Variants in CLTCL1 observed in about 807,000 individuals in gnomAD.
CLTCL1 encodes clathrin heavy chain like 1, also known as clathrin heavy chain 2.
CLTCL1 carries 159 observed loss-of-function variants against 190.0 expected under a neutral mutation model. That is an observed-to-expected ratio of 0.84 (90% CI 0.74 to 0.95). The LOEUF (loss-of-function observed/expected upper bound fraction) is 0.95, where lower values mean the gene tolerates loss of function less well. Among genes scored for constraint, CLTCL1 ranks in the 40% least tolerant of loss-of-function variants. CLTCL1 has a pLI of 0.00. For synonymous variants in CLTCL1, 752 were observed against 769.6 expected (o/e 0.98, Z 0.38); for missense variants, 1,878 against 2,033.4 (o/e 0.92, Z 1.47).
intron 3 of CLTCL1, among the ~76,000 whole-genome samples, chr22:19,245,122 T>A (rs1555967350): frequency 6.6e-6 from 1 of 151,594 alleles, no homozygotes. Context: ...GAAACAGGCA[T>A]CTGTATTTGC....
intron 19 of CLTCL1, 75 bp downstream of exon 19, chr22:19,216,036 T>G (rs1423762068): frequency 6.9e-7 from 1 of 1,449,666 alleles, no homozygotes; most frequent in African/African-American, 1.4e-5. Context: ...CGGTACGAGA[T>G]TGTAACAGAA....
intron 29 of CLTCL1, among the ~76,000 whole-genome samples, chr22:19,186,617 C>T (rs561357367): frequency 1.3e-3 from 187 of 148,778 alleles, no homozygotes; most frequent in African/African-American, 4.1e-3. Flanking sequence ...TTTTTTTTTT[C>T]CGAGACAGAG....
chr22:19,232,498 T>G lies in CLTCL1; in HGVS notation c.1622A>C (p.Glu541Ala). The change falls in exon 10 of 33, where the codon GAG (glutamate) becomes GCG (alanine). Residue 541 changes from glutamate to alanine, a missense_variant. Glu to Ala is a moderately radical substitution (Grantham distance 107). Transcript: ENST00000427926. ...QFSRMLVQDE[E>A]PLANISQIVD... The stretch of plus-strand genomic sequence containing the variant: ...CACCTGGCTAATGTTGGCCAGCGGC[T>G]CCTCGTCCTGCACTAGCATTCGAGA... 1.2e-6 allele frequency: 2 copies of G among 1,614,002 alleles called. No homozygotes were observed.
chr22:19,270,436 A>C (rs1555980032), intron 2 of CLTCL1, among the ~76,000 whole-genome samples: 2 of 151,906 alleles, frequency 1.3e-5, no homozygotes, highest in African/African-American at 4.8e-5. Flanking sequence ...ACCGAGAAGG[A>C]GTGAATGTTG....
rs2085866781 is a variant in CLTCL1, at chr22:19,229,968, T to C, written c.1652A>G (p.Asp551Gly). The change falls in exon 11 of 33, where the codon GAC becomes GGC. Residue 551 changes from aspartate to glycine, a missense_variant. Transcript: ENST00000427926. ...AATTAAACTGTTTTCCATGAAAATG[T>C]CCACAATCTGAAACATATCCAAGCC... The part of the protein sequence containing the change: ...EPLANISQIV[D>G]IFMENSLIQQ... 6.2e-7 allele frequency: 1 copy of C among 1,607,166 alleles called. No individual in the cohort carries two copies. The highest frequency in any genetic ancestry group is 1.3e-5 in the African/African-American group (1 of 74,632).
At chr22:19,291,047 G>A (rs1214694931) in intron 1 of CLTCL1, among the ~76,000 whole-genome samples, 1 of 152,188 alleles carries the variant, frequency 6.6e-6, no homozygotes, top group Non-Finnish European at 1.5e-5. Flanking sequence ...CAAACAAATG[G>A]AGAACAAACT....
Position 19,183,389 on chromosome 22 carries a change from C to T in CLTCL1, c.4827+1G>A. ...GGAGCTGCAGCCGGCCCGGCACCTACCTTGCTCAGGTACTCCCTCATCACC... is the reference window on the plus strand; with the variant it reads ...GGAGCTGCAGCCGGCCCGGCACCTATCTTGCTCAGGTACTCCCTCATCACC... On this transcript the variant is annotated splice_donor_variant, in intron 30 of 32. Coordinates refer to ENST00000427926, the MANE Select transcript of CLTCL1 (RefSeq NM_007098.4). LOFTEE classifies it high-confidence loss of function. The T allele has an allele frequency of 6.2e-7, 1 of 1,612,790 alleles. No individual in the cohort carries two copies. The highest frequency in any genetic ancestry group is 8.5e-7 in the Non-Finnish European group (1 of 1,179,626).
chr22:19,221,755 C>T, intron 16 of CLTCL1, 144 bp from the exon 17 acceptor site: 1 of 983,986 alleles, frequency 1.0e-6, no homozygotes, highest in South Asian at 1.7e-5. Context: ...CAAGATGGAC[C>T]TGGTTTCCAA....
chr22:19,278,381 G>C (rs2087590562), intron 1 of CLTCL1, among the ~76,000 whole-genome samples: 1 of 152,140 alleles, frequency 6.6e-6, no homozygotes, highest in Non-Finnish European at 1.5e-5. Flanking sequence ...GAGAGACCGT[G>C]AAAAGTGAGA....
intron 11 of CLTCL1, 102 bp downstream of exon 11, chr22:19,229,736 G>T: frequency 8.5e-7 from 1 of 1,178,422 alleles, no homozygotes; most frequent in Non-Finnish European, 1.1e-6. Context: ...TAAACATCTG[G>T]CACAAGCCCA....
chr22:19,246,846 TGG>T (rs1555968204), intron 3 of CLTCL1, among the ~76,000 whole-genome samples: 1 of 152,220 alleles, frequency 6.6e-6, no homozygotes, highest in Non-Finnish European at 1.5e-5. Context: ...ACTTTTTAAC[TGG>T]GTTGACTTTT....
At chr22:19,206,207 C>T (rs1242525544) in intron 22 of CLTCL1, among the ~76,000 whole-genome samples, 2 of 151,396 alleles carry the variant, frequency 1.3e-5, no homozygotes, top group African/African-American at 2.4e-5. Flanking sequence ...ATTACAGGCC[C>T]TTCACCCCCT....
At chr22:19,235,085 G>C (rs1372542701) in intron 6 of CLTCL1, among the ~76,000 whole-genome samples, 1 of 151,928 alleles carries the variant, frequency 6.6e-6, no homozygotes, top group Non-Finnish European at 1.5e-5. Context: ...GCTCAGGCTG[G>C]ATTCAAACTC....
At position 19,201,450 on chromosome 22, in the gene CLTCL1, T is replaced by G. The variant is rs782743819; in HGVS notation, c.3644A>C (p.Lys1215Thr). The G allele has an allele frequency of 6.2e-7, 1 of 1,613,876 alleles. No homozygotes were observed. Among genetic ancestry groups the G allele is most frequent in the South Asian group, 1.1e-5 (1 of 91,078 alleles). ...GTTAGAAACATTGCTATAGAGCAGC[T>G]TGGCAGCCTCGTACATTCCCTCCTC... ...CYEEGMYEAA[K>T]LLYSNVSNFA... Residue 1215 changes from lysine (K) to threonine (T), a missense_variant, in exon 23 of 33, where the codon AAG (lysine) becomes ACG (threonine). Lys to Thr is a moderately conservative substitution (Grantham distance 78). Transcript: ENST00000427926.
intron 20 of CLTCL1, 163 bp from the exon 21 acceptor site, chr22:19,209,277 G>A: frequency 1.8e-6 from 1 of 565,222 alleles, no homozygotes; most frequent in Non-Finnish European, 3.1e-6. Flanking sequence ...CAGGTTGAGG[G>A]AAGAGACAAG....
intron 3 of CLTCL1, among the ~76,000 whole-genome samples, chr22:19,246,808 C>T (rs1156397459): frequency 6.6e-6 from 1 of 152,118 alleles, no homozygotes; most frequent in African/African-American, 2.4e-5. Flanking sequence ...TTCCTAATGG[C>T]TAATGATGTC....
rs782469077 is a variant in CLTCL1, at chr22:19,233,198, G to C, written c.1489C>G (p.Gln497Glu). 4 of 1,613,830 alleles carry C rather than the reference G, an allele frequency of 2.5e-6. No homozygotes were observed. Among genetic ancestry groups the C allele is most frequent in the Non-Finnish European group, 2.5e-6 (3 of 1,179,736 alleles). The change falls in exon 9 of 33, where the codon CAA becomes GAA. Residue 497 changes from glutamine to glutamate, a missense_variant. By Grantham distance (29) the Gln-to-Glu change is conservative (BLOSUM62 2). Coordinates refer to ENST00000427926, the MANE Select transcript of CLTCL1 (RefSeq NM_007098.4). ...KVIQCFAETG[Q>E]FQKIVLYAKK... ...GCATAGAGCACAATTTTCTGGAATT[G>C]GCCTGTTTCTGCAAAACACTGGATC...
At chr22:19,239,498 C>T (rs2086183768) in intron 4 of CLTCL1, 110 bp from the exon 5 acceptor site, 9 of 782,282 alleles carry the variant, frequency 1.2e-5, no homozygotes, top group Middle Eastern at 2.5e-4. Flanking sequence ...GGATGATTAA[C>T]GCTAAAAGTC....
chr22:19,222,129 A>C, intron 15 of CLTCL1, 36 bp from the exon 16 acceptor site: 2 of 1,609,834 alleles, frequency 1.2e-6, no homozygotes, highest in Non-Finnish European at 1.7e-6. Flanking sequence ...TCAGTGTTGC[A>C]AACACAAGTT....
Sources: allele counts gnomAD v4.1 joint callset (sites outside exome capture counted in the v4.1 genomes callset), GRCh38; gene constraint gnomAD v4.1.1; transcripts MANE v1.5; gene names NCBI Gene and HGNC (gene_info 2026-07-23, HGNC 2026-07-21).